The following ZNF655 variants were observed in gnomAD, a reference collection of about 807,000 sequenced individuals.
The protein encoded by ZNF655 is Vav-interacting Kruppel-like protein 1.
Under a neutral mutation model 6.6 loss-of-function variants are expected in ZNF655, and 3 were observed. The ratio of observed to expected loss-of-function variants is 0.46; its 90% CI spans 0.21 to 1.18. The LOEUF is 1.18. ZNF655 is among the 50% of genes most tolerant of loss of function. The pLI, the probability that ZNF655 is intolerant of heterozygous loss-of-function variation, is 0.24. For missense variants in ZNF655, 526 were observed against 572.3 expected (o/e 0.92, Z 0.83); for synonymous variants, 178 against 195.0 (o/e 0.91, Z 0.73).
At position 99,576,269 on chromosome 7, in the gene ZNF655, A is replaced by G. The variant is rs1429533565; in HGVS notation, c.*2685A>G. 1.3e-5 allele frequency: 2 copies of G among 152,690 alleles called. No homozygotes were observed. The highest frequency in any genetic ancestry group is 1.9e-4 in the East Asian group (1 of 5,206). The allele number at this position is 152,690 out of a possible 1,614,324, so 9.5% of individuals were successfully genotyped here. ...AAATGTAAAAGCAAATGAAAAATGC[A>G]TGTGTTTTTTCCTGTCAAACATGTA... On this transcript the variant is annotated 3_prime_UTR_variant, in exon 3 of 3. Coordinates refer to ENST00000252713, the MANE Select transcript of ZNF655 (RefSeq NM_138494.3).
chr7:99,561,630 G>C (rs1411084450), intron 2 of ZNF655, among the ~76,000 whole-genome samples: 1 of 152,158 alleles, frequency 6.6e-6, no homozygotes, highest in Non-Finnish European at 1.5e-5. Flanking sequence ...TTCTGTAAGA[G>C]GACTGTCATG....
At chr7:99,560,028 A>G (rs530105046) in intron 1 of ZNF655, among the ~76,000 whole-genome samples, 48 of 151,470 alleles carry the variant, frequency 3.2e-4, no homozygotes, top group Admixed American at 2.6e-3. Flanking sequence ...AGACTCTTCT[A>G]TGATTTGGTT....
At chr7:99,569,399 A>G (rs1324540472) in intron 2 of ZNF655, among the ~76,000 whole-genome samples, 1 of 152,196 alleles carries the variant, frequency 6.6e-6, no homozygotes, top group African/African-American at 2.4e-5. Flanking sequence ...ATTTGGAGGA[A>G]GGGATGGATT....
rs1213244352 is a variant in ZNF655 at position 99,575,918 on chromosome 7, CAA to C, written c.*2335_*2336del. The C allele has an allele frequency of 3.9e-5, 6 of 152,298 alleles. No homozygotes were observed. Among genetic ancestry groups the C allele is most frequent in the African/African-American group, 4.8e-5 (2 of 41,560 alleles). 9.4% of individuals were successfully genotyped at this position (152,298 alleles called of 1,614,324 possible). On this transcript the variant is annotated 3_prime_UTR_variant, in exon 3 of 3. Coordinates refer to ENST00000252713, the MANE Select transcript of ZNF655 (RefSeq NM_138494.3). ...TTCAGGGCCACCATCATATACCTAA[CAA>C]GAGTTCATGATTCTTTAGGTAATGT...
intron 2 of ZNF655, among the ~76,000 whole-genome samples, chr7:99,566,021 A>ATGTGTGTGTGTGTGTGTG (rs34698828): frequency 2.7e-5 from 4 of 149,864 alleles, no homozygotes; most frequent in African/African-American, 7.4e-5. Context: ...GGACATTTAT[A>ATGTGTGTGTGTGTGTGTG]TGTGTGTGTG....
intron 2 of ZNF655, 191 bp downstream of exon 2, chr7:99,560,886 T>A: frequency 1.9e-6 from 1 of 539,740 alleles, no homozygotes; most frequent in Non-Finnish European, 3.0e-6. Flanking sequence ...GGATAGCTCA[T>A]CTTTCTCAAA....
intron 2 of ZNF655, among the ~76,000 whole-genome samples, chr7:99,562,991 T>C (rs1803326027): frequency 6.6e-6 from 1 of 152,128 alleles, no homozygotes; most frequent in Non-Finnish European, 1.5e-5. Flanking sequence ...CCCCTTAAGA[T>C]CCCCAGATGT....
intron 2 of ZNF655, among the ~76,000 whole-genome samples, chr7:99,568,603 T>C (rs1803811713): frequency 6.6e-6 from 1 of 151,992 alleles, no homozygotes; most frequent in African/African-American, 2.4e-5. Flanking sequence ...ATAAATCATC[T>C]TTTAGATCCC....
intron 2 of ZNF655, among the ~76,000 whole-genome samples, chr7:99,562,843 T>G (rs967663382): frequency 6.6e-6 from 1 of 152,178 alleles, no homozygotes; most frequent in Admixed American, 6.5e-5. Context: ...CCTCCCAACC[T>G]CCAACCAGAC....
At chr7:99,561,876 C>T (rs1211454902) in intron 2 of ZNF655, 1 of 1,491,902 alleles carries the variant, frequency 6.7e-7, no homozygotes, top group Non-Finnish European at 9.0e-7. Context: ...TCACTCCTTT[C>T]TCCTCCCTCA....
intron 2 of ZNF655, among the ~76,000 whole-genome samples, chr7:99,561,613 C>G (rs576500112): frequency 6.6e-6 from 1 of 152,290 alleles, no homozygotes; most frequent in East Asian, 1.9e-4. Flanking sequence ...CAGGTATAGT[C>G]TTACTCTTCT....
chr7:99,572,681 A>G lies in ZNF655; in HGVS notation c.573A>G (p.Glu191=). 1 of 1,613,624 alleles carries G rather than the reference A, an allele frequency of 6.2e-7. No individual in the cohort carries two copies. The highest frequency in any genetic ancestry group is 1.1e-5 in the South Asian group (1 of 91,050). ...ATTTTCAGAGTAGTGAATGTAAGGA[A>G]AGCTTAATGGATCTCTCCCACCTTA... ...TEDFQSSECK[E]SLMDLSHLNK... is the part of the protein sequence containing the mutation. The change falls in exon 3 of 3, where the codon GAA becomes GAG. Residue 191 remains glutamate, a synonymous_variant. Coordinates refer to ENST00000252713, the MANE Select transcript of ZNF655 (RefSeq NM_138494.3).
rs756776052 is a variant in ZNF655, at chr7:99,573,521, G to A, written c.1413G>A (p.Lys471=). ...CCTTTGATTGTGATGTATGGGAAAA[G>A]AACTCCAGTCAGAGAGCACATCTAG... ...QKAFDCDVWE[K]NSSQRAHLVQ... is the part of the protein sequence containing the mutation. The change falls in exon 3 of 3, where the codon AAG becomes AAA. Residue 471 remains lysine, a synonymous_variant. Coordinates refer to ENST00000252713, the MANE Select transcript of ZNF655 (RefSeq NM_138494.3). 5 of 1,610,890 alleles carry A rather than the reference G, an allele frequency of 3.1e-6. No homozygotes were observed. In the South Asian group the frequency reaches 5.5e-5, roughly 18 times the overall value.
intron 2 of ZNF655, among the ~76,000 whole-genome samples, chr7:99,569,128 G>A (rs748024122): frequency 2.0e-5 from 3 of 152,012 alleles, no homozygotes; most frequent in East Asian, 3.9e-4. Flanking sequence ...CAATTATTTA[G>A]GATCCTGGTT....
intron 2 of ZNF655, chr7:99,564,323 C>T: frequency 1.7e-6 from 2 of 1,185,778 alleles, no homozygotes; most frequent in Non-Finnish European, 2.1e-6. Flanking sequence ...GAAACTTATG[C>T]TGTGTGCCCC....
chr7:99,571,476 C>G, intron 2 of ZNF655: 1 of 1,278,868 alleles, frequency 7.8e-7, no homozygotes, highest in Non-Finnish European at 1.0e-6. Context: ...CTTCTGCTCC[C>G]AAGTCATCAA....
chr7:99,569,143 G>A (rs1243465908), intron 2 of ZNF655, among the ~76,000 whole-genome samples: 2 of 152,078 alleles, frequency 1.3e-5, no homozygotes, highest in Non-Finnish European at 2.9e-5. Context: ...CTGGTTCACC[G>A]TATGTTATTC....
chr7:99,567,391 G>A (rs1056655390), intron 2 of ZNF655, among the ~76,000 whole-genome samples: 3 of 151,814 alleles, frequency 2.0e-5, no homozygotes, highest in African/African-American at 7.2e-5. Flanking sequence ...AAATTAGCCG[G>A]GCATGGTGGC....
chr7:99,572,641 TAAATCTAAC>T lies in ZNF655; in HGVS notation c.535_543del (p.Asn179_Thr181del). 6.2e-7 allele frequency: 1 copy of T among 1,613,664 alleles called. No homozygotes were observed. Among genetic ancestry groups the T allele is most frequent in the South Asian group, 1.1e-5 (1 of 91,038 alleles). On this transcript the variant is annotated inframe_deletion, in exon 3 of 3. Coordinates refer to ENST00000252713, the MANE Select transcript of ZNF655 (RefSeq NM_138494.3). ...TCAGCCTCTGGTAAACATGAACACT[TAAATCTAAC>T]AGAGGATTTTCAGAGTAGTGAATGT...
Sources: allele counts gnomAD v4.1 joint callset (sites outside exome capture counted in the v4.1 genomes callset), GRCh38; gene constraint gnomAD v4.1.1; transcripts MANE v1.5; gene names NCBI Gene and HGNC (gene_info 2026-07-23, HGNC 2026-07-21).